The following GPD2 variants were observed in gnomAD, a reference collection of about 807,000 sequenced individuals.
GPD2 encodes the protein glycerol-3-phosphate dehydrogenase, mitochondrial.
In GPD2, 54 loss-of-function variants were observed where a neutral mutation model predicts 82.4. The observed-to-expected ratio is 0.66, with a 90% CI of 0.53 to 0.82. The LOEUF is 0.82. Ranked by LOEUF, GPD2 falls within the 40% of genes least tolerant of loss-of-function variation. The pLI, the probability that GPD2 is intolerant of heterozygous loss-of-function variation, is 0.00. For synonymous variants in GPD2, 288 were observed against 306.1 expected (o/e 0.94, Z 0.62); for missense variants, 748 against 896.2 (o/e 0.83, Z 2.11).
At chr2:156,433,147 A>G (rs992523211), upstream of GPD2, among the ~76,000 whole-genome samples, 2 of 152,220 alleles carry the variant, frequency 1.3e-5, no homozygotes, top group Non-Finnish European at 2.9e-5. Flanking sequence ...TCCTGGGCGT[A>G]GGCTGAACTA....
chr2:156,421,952 C>T, the GPD2 span, among the ~76,000 whole-genome samples: 2 of 152,122 alleles, frequency 1.3e-5, no homozygotes, highest in Non-Finnish European at 2.9e-5. Context: ...ATAGTGAGAA[C>T]CCATCTCTAC....
the GPD2 span, among the ~76,000 whole-genome samples, chr2:156,425,184 A>C: frequency 6.6e-6 from 1 of 151,936 alleles, no homozygotes; most frequent in African/African-American, 2.4e-5. Context: ...GTAACCTCAA[A>C]CACTCCTGGG....
At chr2:156,563,550 T>C (rs1687252102) in intron 9 of GPD2, among the ~76,000 whole-genome samples, 1 of 152,200 alleles carries the variant, frequency 6.6e-6, no homozygotes, top group African/African-American at 2.4e-5. Flanking sequence ...CTTAATTGAA[T>C]GAAAATATGT....
chr2:156,495,250 G>A (rs1247769420), intron 2 of GPD2, among the ~76,000 whole-genome samples: 1 of 152,158 alleles, frequency 6.6e-6, no homozygotes, highest in Non-Finnish European at 1.5e-5. Flanking sequence ...TCTGTAGGCT[G>A]AGGTGGCAGA....
intron 2 of GPD2, among the ~76,000 whole-genome samples, chr2:156,491,736 C>T (rs1684181087): frequency 6.6e-6 from 1 of 152,046 alleles, no homozygotes; most frequent in South Asian, 2.1e-4. Flanking sequence ...TTATAAGACA[C>T]TCCTGGCCAG....
chr2:156,435,109 T>C (rs1023245801), upstream of GPD2, among the ~76,000 whole-genome samples: 3 of 152,156 alleles, frequency 2.0e-5, no homozygotes, highest in Admixed American at 1.3e-4. Context: ...TTAATAAATA[T>C]ATGCATTCCT....
chr2:156,549,620 A>T lies in GPD2; in HGVS notation c.674A>T (p.Asp225Val). ...AIVYYDGQHN[D>V]ARMNLAIALT... ...TTCCCCGCTGCAGGACAACATAACG[A>T]TGCACGGATGAACCTTGCCATTGCT... Residue 225 changes from aspartate (D) to valine (V), a missense_variant, in exon 7 of 17, where the codon GAT becomes GTT. This residue lies in a region of GPD2 where 692 missense variants were observed against 809.7 expected (regional missense o/e 0.85). Coordinates refer to ENST00000438166, the MANE Select transcript of GPD2 (RefSeq NM_000408.5). 6.2e-7 allele frequency: 1 copy of T among 1,614,046 alleles called. No individual in the cohort carries two copies. The highest frequency in any genetic ancestry group is 8.5e-7 in the Non-Finnish European group (1 of 1,179,934).
At chr2:156,511,929 A>G (rs1299614968) in intron 4 of GPD2, among the ~76,000 whole-genome samples, 2 of 152,194 alleles carry the variant, frequency 1.3e-5, no homozygotes, top group Admixed American at 1.3e-4. Flanking sequence ...GACAATCCAG[A>G]GGATGCAAGA....
At chr2:156,561,348 A>G (rs528261073) in intron 9 of GPD2, among the ~76,000 whole-genome samples, 1 of 152,154 alleles carries the variant, frequency 6.6e-6, no homozygotes, top group East Asian at 1.9e-4. Context: ...GCCCAGCCTA[A>G]GCTTTTTGCC....
chr2:156,426,278 C>T, the GPD2 span, among the ~76,000 whole-genome samples: 8 of 152,266 alleles, frequency 5.3e-5, no homozygotes, highest in African/African-American at 1.9e-4. Flanking sequence ...TTCAGCATGG[C>T]CAGGGAGGCG....
At chr2:156,498,949 A>G (rs1573933466) in intron 3 of GPD2, among the ~76,000 whole-genome samples, 1 of 152,194 alleles carries the variant, frequency 6.6e-6, no homozygotes, top group African/African-American at 2.4e-5. Context: ...AATGTCATGT[A>G]CCAACCTAAT....
At chr2:156,535,463 A>G (rs1255171084) in intron 6 of GPD2, among the ~76,000 whole-genome samples, 2 of 150,832 alleles carry the variant, frequency 1.3e-5, no homozygotes, top group African/African-American at 4.9e-5. Context: ...AGAGAGAGAA[A>G]GAAAGACCTG....
upstream of GPD2, among the ~76,000 whole-genome samples, chr2:156,433,613 G>A (rs1688346544): frequency 6.6e-6 from 1 of 152,168 alleles, no homozygotes; most frequent in South Asian, 2.1e-4. Context: ...CGCACAGCTG[G>A]CTTTGCGTGA....
At chr2:156,493,186 A>C (rs911731375) in intron 2 of GPD2, among the ~76,000 whole-genome samples, 1 of 152,144 alleles carries the variant, frequency 6.6e-6, no homozygotes, top group African/African-American at 2.4e-5. Flanking sequence ...AGAGTGGTTC[A>C]AAGAGGCTGG....
At chr2:156,472,191 CT>C (rs142499458) in intron 1 of GPD2, among the ~76,000 whole-genome samples, 9 of 149,050 alleles carry the variant, frequency 6.0e-5, no homozygotes, top group African/African-American at 2.0e-4. Context: ...AGGAAATAAT[CT>C]TTTTTTTTTG....
intron 6 of GPD2, among the ~76,000 whole-genome samples, chr2:156,541,374 A>T (rs1686304202): frequency 6.6e-6 from 1 of 152,086 alleles, no homozygotes; most frequent in African/African-American, 2.4e-5. Flanking sequence ...GGAGCATGTG[A>T]CTCCTCCACA....
chr2:156,523,541 C>A (rs540509752), intron 6 of GPD2, among the ~76,000 whole-genome samples: 1 of 152,170 alleles, frequency 6.6e-6, no homozygotes, highest in Non-Finnish European at 1.5e-5. Flanking sequence ...TCTATACTCT[C>A]ATTTCCCCTT....
At chr2:156,455,424 A>G (rs1682757907) in intron 1 of GPD2, among the ~76,000 whole-genome samples, 1 of 152,222 alleles carries the variant, frequency 6.6e-6, no homozygotes, top group South Asian at 2.1e-4. Flanking sequence ...CCTTCTTGAC[A>G]ATCCTTTGTC....
chr2:156,531,617 G>A (rs376421141), intron 6 of GPD2, among the ~76,000 whole-genome samples: 3 of 152,234 alleles, frequency 2.0e-5, no homozygotes, highest in African/African-American at 7.2e-5. Flanking sequence ...TGGAGGCCAC[G>A]AGTGGCCCAT....
Sources: allele counts gnomAD v4.1 joint callset (sites outside exome capture counted in the v4.1 genomes callset), GRCh38; gene constraint gnomAD v4.1.1; regional missense constraint gnomAD v4.1.1; transcripts MANE v1.5; gene names NCBI Gene and HGNC (gene_info 2026-07-23, HGNC 2026-07-21).